Variants in ZBTB49 observed in about 807,000 individuals in gnomAD.
ZBTB49 encodes zinc finger and BTB domain-containing protein 49.
In ZBTB49, 43 loss-of-function variants were observed where a neutral mutation model predicts 57.5. The observed-to-expected ratio is 0.75, with a 90% CI of 0.59 to 0.97. ZBTB49 has a LOEUF of 0.97. ZBTB49 is among the 50% of genes least tolerant of loss of function. ZBTB49 has a pLI of 0.00. For synonymous variants in ZBTB49, 369 were observed against 362.1 expected (o/e 1.02, Z -0.22); for missense variants, 938 against 947.7 (o/e 0.99, Z 0.13).
chr4:4,310,543 T>C (rs1425800863), intron 4 of ZBTB49, among the ~76,000 whole-genome samples: 1 of 149,462 alleles, frequency 6.7e-6, no homozygotes, highest in Admixed American at 6.7e-5. Flanking sequence ...GGAGTCTTGC[T>C]CTGTTGCCCA....
intron 1 of ZBTB49, among the ~76,000 whole-genome samples, chr4:4,296,935 G>T (rs1234409823): frequency 6.6e-6 from 1 of 152,166 alleles, no homozygotes; most frequent in African/African-American, 2.4e-5. Flanking sequence ...GTTCATCTTG[G>T]GAAGGAGGAG....
In ZBTB49 at chr4:4,302,789, A is replaced by G. The variant is rs773698918; in HGVS notation, c.953A>G (p.Gln318Arg). Reference protein sequence around the residue: ...HLKKLNFLKSQKYAEQVSEPK... With the variant: ...HLKKLNFLKSRKYAEQVSEPK... ...AAGAAGCTCAATTTCCTGAAGTCACAGAAATACGCAGAGCAAGTATCTGAA... is the reference window on the plus strand; with the variant it reads ...AAGAAGCTCAATTTCCTGAAGTCACGGAAATACGCAGAGCAAGTATCTGAA... Residue 318 changes from glutamine (Q) to arginine (R), a missense_variant, in exon 3 of 8, where the codon CAG (glutamine) becomes CGG (arginine). Around this residue, in one of 3 missense-constraint regions of ZBTB49, gnomAD observed 835 missense variants for 819.1 expected, o/e 1.02. Coordinates refer to ENST00000337872, the MANE Select transcript of ZBTB49 (RefSeq NM_145291.4). The G allele has an allele frequency of 6.2e-7, 1 of 1,614,186 alleles. No homozygotes were observed. The highest frequency in any genetic ancestry group is 8.5e-7 in the Non-Finnish European group (1 of 1,180,012).
At chr4:4,293,886 C>T (rs769058786) in intron 1 of ZBTB49, among the ~76,000 whole-genome samples, 4 of 152,246 alleles carry the variant, frequency 2.6e-5, no homozygotes, top group Non-Finnish European at 4.4e-5. Context: ...GGGAAATGAG[C>T]ACAGCTTTGT....
chr4:4,313,742 T>C (rs571495186), intron 5 of ZBTB49, among the ~76,000 whole-genome samples: 58 of 152,348 alleles, frequency 3.8e-4, no homozygotes, highest in Non-Finnish European at 7.4e-4. Flanking sequence ...CTCCTTCCTG[T>C]CCTTGGGCTG....
At chr4:4,308,260 G>T (rs752133174) in intron 4 of ZBTB49, among the ~76,000 whole-genome samples, 13 of 152,094 alleles carry the variant, frequency 8.5e-5, no homozygotes, top group Admixed American at 2.6e-4. Flanking sequence ...TATATTTTTA[G>T]TAGAGATGGG....
intron 4 of ZBTB49, among the ~76,000 whole-genome samples, chr4:4,309,869 T>C (rs1720909210): frequency 6.6e-6 from 1 of 152,264 alleles, no homozygotes; most frequent in Non-Finnish European, 1.5e-5. Flanking sequence ...TAGCAGTCAT[T>C]GTTTAAGTGA....
At chr4:4,306,906 C>T (rs144598671) in intron 4 of ZBTB49, among the ~76,000 whole-genome samples, 7 of 152,350 alleles carry the variant, frequency 4.6e-5, no homozygotes, top group South Asian at 2.1e-4. Context: ...GTCACTGGCA[C>T]GACTGTCTCA....
At chr4:4,313,197 T>TGGCTCACAGATGAGCCACAGGTG (rs574547803) in intron 5 of ZBTB49, 83 bp downstream of exon 5, 3 of 1,533,366 alleles carry the variant, frequency 2.0e-6, no homozygotes, top group Non-Finnish European at 2.7e-6. Flanking sequence ...TCTGAAGTGG[T>TGGCTCACAGATGAGCCACAGGTG]GGCTCACAGA....
intron 1 of ZBTB49, among the ~76,000 whole-genome samples, chr4:4,290,886 A>G (rs1719867748): frequency 6.6e-6 from 1 of 152,218 alleles, no homozygotes; most frequent in Admixed American, 6.5e-5. Flanking sequence ...GTCGTATTTC[A>G]TGAGTTGGTG....
chr4:4,293,903 G>A (rs528741639), intron 1 of ZBTB49, among the ~76,000 whole-genome samples: 1 of 152,382 alleles, frequency 6.6e-6, no homozygotes, highest in Non-Finnish European at 1.5e-5. Flanking sequence ...TTGTAGCACA[G>A]AATCTGATTA....
intron 1 of ZBTB49, among the ~76,000 whole-genome samples, chr4:4,292,266 G>A (rs1433723878): frequency 6.6e-6 from 1 of 152,182 alleles, no homozygotes; most frequent in African/African-American, 2.4e-5. Flanking sequence ...GGTCAACTGA[G>A]CAAGACTGCG....
intron 3 of ZBTB49, 77 bp from the exon 4 acceptor site, chr4:4,306,061 A>G (rs1720721482): frequency 8.3e-7 from 1 of 1,204,718 alleles, no homozygotes; most frequent in East Asian, 2.3e-5. Flanking sequence ...GAAAGTACAT[A>G]GGAGGTCATT....
At chr4:4,290,830 A>G (rs1298186787) in intron 1 of ZBTB49, among the ~76,000 whole-genome samples, 1 of 152,216 alleles carries the variant, frequency 6.6e-6, no homozygotes, top group African/African-American at 2.4e-5. Context: ...TCAGCCCCGC[A>G]TCTGTAAAGC....
chr4:4,292,481 A>G (rs1345106547), intron 1 of ZBTB49, among the ~76,000 whole-genome samples: 1 of 152,176 alleles, frequency 6.6e-6, no homozygotes, highest in South Asian at 2.1e-4. Context: ...TAGGGAACAC[A>G]TCTGTTCCGT....
In ZBTB49 at chr4:4,321,060, A is replaced by G; in HGVS notation, c.2042A>G (p.Gln681Arg). ...SLDPGKLAKP[Q>R]MQQTQPQAYA... Reference sequence around the variant, plus strand: ...GATCCTGGTAAACTTGCCAAGCCCCAGATGCAGCAGACACAGCCTCAGGCC... The same window carrying G: ...GATCCTGGTAAACTTGCCAAGCCCCGGATGCAGCAGACACAGCCTCAGGCC... The change falls in exon 8 of 8, where the codon CAG (glutamine) becomes CGG (arginine). Residue 681 changes from glutamine to arginine, a missense_variant. Around this residue, in one of 3 missense-constraint regions of ZBTB49, gnomAD observed 835 missense variants for 819.1 expected, o/e 1.02. Transcript: ENST00000337872. The G allele has an allele frequency of 6.2e-7, 1 of 1,614,196 alleles. No individual in the cohort carries two copies. Among genetic ancestry groups the G allele is most frequent in the South Asian group, 1.1e-5 (1 of 91,088 alleles).
intron 4 of ZBTB49, among the ~76,000 whole-genome samples, chr4:4,307,245 CAGG>C (rs1180342381): frequency 2.0e-5 from 3 of 152,200 alleles, no homozygotes; most frequent in African/African-American, 4.8e-5. Flanking sequence ...CTCTCCCATC[CAGG>C]AGAACACCCA....
Position 4,320,905 on chromosome 4 carries a change from G to A in ZBTB49, c.1887G>A (p.Ser629=), listed in dbSNP as rs560894569. The A allele has an allele frequency of 1.4e-5, 23 of 1,614,154 alleles. No individual in the cohort carries two copies. In the East Asian group the frequency reaches 1.8e-4, roughly 13 times the overall value. The stretch of plus-strand genomic sequence containing the variant: ...CGTCTGTGACGCTGATGCCAGTGTC[G>A]GTTAAACTCCCTGTCCACCCAGTGG... The part of the protein sequence containing the change: ...QDTSVTLMPV[S]VKLPVHPVEN... Residue 629 remains serine, a synonymous_variant, in exon 8 of 8, where the codon TCG becomes TCA. Transcript: ENST00000337872.
chr4:4,313,364 T>C (rs1428863511), intron 5 of ZBTB49, among the ~76,000 whole-genome samples: 3 of 152,234 alleles, frequency 2.0e-5, no homozygotes, highest in Non-Finnish European at 4.4e-5. Context: ...GGGTTTTAAA[T>C]GCAACAAAAT....
At position 4,302,026 on chromosome 4, in the gene ZBTB49, G is replaced by A; in HGVS notation, c.190G>A (p.Val64Ile). Residue 64 changes from valine to isoleucine, a missense_variant, in exon 3 of 8, where the codon GTT (valine) becomes ATT (isoleucine). Val to Ile is a conservative substitution (Grantham distance 29). Coordinates refer to ENST00000337872, the MANE Select transcript of ZBTB49 (RefSeq NM_145291.4). ...GAATTCTTCAAGCCAGAAGAATGAT[G>A]TTTTTCACTTGGATGTTAAAAATGT... ...FQNSSSQKNDVFHLDVKNVSG... is the reference protein window; with the variant it reads ...FQNSSSQKNDIFHLDVKNVSG... 6.3e-7 allele frequency: 1 copy of A among 1,586,314 alleles called. No homozygotes were observed. Among genetic ancestry groups the A allele is most frequent in the Non-Finnish European group, 8.6e-7 (1 of 1,163,958 alleles).
Sources: allele counts gnomAD v4.1 joint callset (sites outside exome capture counted in the v4.1 genomes callset), GRCh38; gene constraint gnomAD v4.1.1; regional missense constraint gnomAD v4.1.1; transcripts MANE v1.5; gene names NCBI Gene and HGNC (gene_info 2026-07-23, HGNC 2026-07-21).